SLC30A4: variants seen among roughly 807,000 people sequenced by gnomAD.
The protein encoded by SLC30A4 is probable proton-coupled zinc antiporter SLC30A4.
In SLC30A4, 20 loss-of-function variants were observed where a neutral mutation model predicts 41.7. The ratio of observed to expected loss-of-function variants is 0.48; its 90% CI spans 0.34 to 0.70. The LOEUF is 0.70. Ranked by LOEUF, SLC30A4 falls within the 30% of genes least tolerant of loss-of-function variation. The probability of loss-of-function intolerance (pLI) is 0.01; values close to 1 mark genes in which losing one functional copy is unlikely to be tolerated. For synonymous variants in SLC30A4, 181 were observed against 195.9 expected, an observed-to-expected ratio of 0.92 and a Z score of 0.64; for missense variants, 441 against 529.3, an observed-to-expected ratio of 0.83 and a Z score of 1.64.
At chr15:45,520,931 C>T (rs2140866407) in intron 2 of SLC30A4, 1 of 408,624 alleles carries the variant, frequency 2.4e-6, no homozygotes, top group Non-Finnish European at 4.9e-6. Flanking sequence ...CCACTTTGAA[C>T]GCCTTAGAGG....
Position 45,514,816 on chromosome 15 carries a change from C to T in SLC30A4, c.392-3532G>A, listed in dbSNP as rs114967834. On this transcript the variant is annotated intron_variant, in intron 2 of 7. Coordinates refer to ENST00000261867, the MANE Select transcript of SLC30A4 (RefSeq NM_013309.6). ...AGGCATGAGCCACCGTGCCTGGCCT[C>T]TAAATTGTTTTTGCCCTTTCTCTCC... Among the ~76,000 whole-genome samples the T allele has an allele frequency of 3.7e-3, 568 of 152,006 alleles. 3 individuals carry two copies. Among genetic ancestry groups the T allele is most frequent in the African/African-American group, 0.013 (552 of 41,486 alleles).
intron 3 of SLC30A4, among the ~76,000 whole-genome samples, chr15:45,501,574 C>T (rs1892035298): frequency 6.6e-6 from 1 of 152,290 alleles, no homozygotes; most frequent in Middle Eastern, 3.4e-3. Context: ...GCACATAGCT[C>T]ACTGCAGCCC....
intron 2 of SLC30A4, 130 bp downstream of exon 2, chr15:45,521,834 A>G (rs967923921): frequency 3.9e-5 from 35 of 887,232 alleles, no homozygotes; most frequent in Non-Finnish European, 5.1e-6. Flanking sequence ...GCCTTTTCAC[A>G]TGAGATCAGT....
intron 3 of SLC30A4, among the ~76,000 whole-genome samples, chr15:45,491,454 G>A (rs185623791): frequency 6.6e-6 from 1 of 152,188 alleles, no homozygotes; most frequent in Non-Finnish European, 1.5e-5. Context: ...GTAAGGTGTG[G>A]TGGCTCATGC....
intron 7 of SLC30A4, 41 bp downstream of exon 7, chr15:45,486,570 G>A (rs1203674247): frequency 1.3e-6 from 2 of 1,519,280 alleles, no homozygotes; most frequent in Non-Finnish European, 1.8e-6. Flanking sequence ...AAAGGCAGAA[G>A]TCCACCAACC....
intron 3 of SLC30A4, among the ~76,000 whole-genome samples, chr15:45,499,589 G>A (rs770557507): frequency 3.9e-5 from 6 of 152,254 alleles, no homozygotes; most frequent in East Asian, 1.9e-4. Context: ...GCAAGCAAGC[G>A]GGTGGAGCCT....
intron 3 of SLC30A4, among the ~76,000 whole-genome samples, chr15:45,510,019 C>T (rs1012618057): frequency 2.0e-5 from 3 of 152,194 alleles, no homozygotes; most frequent in Non-Finnish European, 4.4e-5. Flanking sequence ...TTGTAGTGAG[C>T]TGAGATCACA....
chr15:45,517,602 CAGAGT>C (rs1892525030), intron 2 of SLC30A4, among the ~76,000 whole-genome samples: 2 of 151,968 alleles, frequency 1.3e-5, no homozygotes, highest in South Asian at 4.2e-4. Flanking sequence ...CACATAACAG[CAGAGT>C]AATCTTTCAA....
At chr15:45,488,744 T>C in intron 5 of SLC30A4, 97 bp downstream of exon 5, 3 of 868,612 alleles carry the variant, frequency 3.5e-6, no homozygotes, top group Admixed American at 2.1e-5. Context: ...TGAATAGAAC[T>C]GGCACTGGTG....
intron 2 of SLC30A4, chr15:45,521,700 C>A: frequency 2.4e-6 from 1 of 410,512 alleles, no homozygotes; most frequent in South Asian, 6.2e-5. Flanking sequence ...ACATGACATA[C>A]AATGAAGATA....
intron 3 of SLC30A4, among the ~76,000 whole-genome samples, chr15:45,504,103 C>T (rs1892099673): frequency 6.6e-6 from 1 of 152,132 alleles, no homozygotes; most frequent in African/African-American, 2.4e-5. Context: ...ACTAAATAGA[C>T]AGTACTTGAT....
chr15:45,517,071 C>G (rs1892501045), intron 2 of SLC30A4, among the ~76,000 whole-genome samples: 1 of 152,010 alleles, frequency 6.6e-6, no homozygotes, highest in African/African-American at 2.4e-5. Flanking sequence ...TTACCAAATC[C>G]AAAGGATGTT....
intron 7 of SLC30A4, among the ~76,000 whole-genome samples, chr15:45,485,572 C>T (rs1472312689): frequency 6.6e-6 from 1 of 152,128 alleles, no homozygotes; most frequent in Non-Finnish European, 1.5e-5. Context: ...ATTAAAATAT[C>T]TTGTGCACAT....
intron 3 of SLC30A4, among the ~76,000 whole-genome samples, chr15:45,510,509 A>C (rs1892263046): frequency 1.3e-5 from 2 of 152,350 alleles, no homozygotes; most frequent in South Asian, 4.1e-4. Flanking sequence ...GGTAAATGTT[A>C]CTTCATATAA....
chr15:45,485,259 C>G lies in SLC30A4; in HGVS notation c.1194G>C (p.Leu398Phe), dbSNP rs1487315082. 6.2e-7 allele frequency: 1 copy of G among 1,611,832 alleles called. No individual in the cohort carries two copies. ...TACATCTATACATGCCAAATGTGTT[C>G]AATAATAAATGGTTTGCTTTGGACT... ...EVQSKANHLL[L>F]NTFGMYRCTI... Residue 398 changes from leucine (L) to phenylalanine (F), a missense_variant, in exon 8 of 8, where the codon TTG becomes TTC. Coordinates refer to ENST00000261867, the MANE Select transcript of SLC30A4 (RefSeq NM_013309.6).
intron 3 of SLC30A4, among the ~76,000 whole-genome samples, chr15:45,500,141 G>A (rs1334792888): frequency 3.3e-5 from 5 of 152,104 alleles, no homozygotes; most frequent in African/African-American, 9.7e-5. Context: ...GGAGAAGAAC[G>A]GTAGGCCATT....
chr15:45,510,898 G>A (rs1892272973), intron 3 of SLC30A4, among the ~76,000 whole-genome samples: 1 of 152,158 alleles, frequency 6.6e-6, no homozygotes, highest in African/African-American at 2.4e-5. Flanking sequence ...ATATCTTCAG[G>A]ACATAGGGAG....
chr15:45,509,776 G>C (rs1892241673), intron 3 of SLC30A4, among the ~76,000 whole-genome samples: 1 of 152,164 alleles, frequency 6.6e-6, no homozygotes, highest in South Asian at 2.1e-4. Flanking sequence ...TGGATGCTGT[G>C]GGCCAGTCAT....
rs745528897 is a variant in SLC30A4 at position 45,486,621 on chromosome 15, G to A, written c.1125C>T (p.His375=). ...LTSGKSTAIV[H]IQLIPGSSSK... ...CTACCAGCAACATACTTAGCTGTATGTGAACTATGGCAGTAGATTTTCCTG... is the reference window on the plus strand; with the variant it reads ...CTACCAGCAACATACTTAGCTGTATATGAACTATGGCAGTAGATTTTCCTG... The change falls in exon 7 of 8, where the codon CAC becomes CAT. Residue 375 remains histidine (H), a synonymous_variant. Transcript: ENST00000261867. 6.2e-7 allele frequency: 1 copy of A among 1,603,426 alleles called. No individual in the cohort carries two copies. The highest frequency in any genetic ancestry group is 8.5e-7 in the Non-Finnish European group (1 of 1,176,698).
Sources: allele counts gnomAD v4.1 joint callset (sites outside exome capture counted in the v4.1 genomes callset), GRCh38; gene constraint gnomAD v4.1.1; transcripts MANE v1.5; gene names NCBI Gene and HGNC (gene_info 2026-07-23, HGNC 2026-07-21).